Variants in SLC4A11 observed in about 807,000 individuals in gnomAD.
SLC4A11 encodes bicarbonate transporter related protein 1.
In SLC4A11, 74 loss-of-function variants were observed where a neutral mutation model predicts 95.0. The ratio of observed to expected loss-of-function variants is 0.78; its 90% CI spans 0.65 to 0.95. SLC4A11 has a LOEUF of 0.95. SLC4A11 is among the 40% of genes least tolerant of loss of function. The pLI is 0.00. For synonymous variants in SLC4A11, 548 were observed against 519.0 expected (o/e 1.06, Z -0.76); for missense variants, 1,081 against 1,192.4 (o/e 0.91, Z 1.38).
upstream of SLC4A11, chr20:3,239,403 G>A: frequency 9.2e-7 from 1 of 1,092,666 alleles, no homozygotes; most frequent in Non-Finnish European, 1.1e-6. Context: ...GCAGCTGCTG[G>A]GCCAAACCGA....
At chr20:3,237,968 G>T in intron 1 of SLC4A11, 2 of 1,550,410 alleles carry the variant, frequency 1.3e-6, no homozygotes, top group Non-Finnish European at 1.7e-6. Flanking sequence ...GCCCGAGCGG[G>T]CCTCTCCCCC....
At chr20:3,227,916 A>AAACCCCCCCCCCC in intron 19 of SLC4A11, 60 bp from the exon 20 acceptor site, 1 of 1,499,352 alleles carries the variant, frequency 6.7e-7, no homozygotes, top group Non-Finnish European at 9.1e-7. Context: ...GTGGACACCC[A>AAACCCCCCCCCCC]TCCCAGCCCA....
chr20:3,235,332 C>T (rs1379846264), intron 2 of SLC4A11, among the ~76,000 whole-genome samples: 1 of 151,748 alleles, frequency 6.6e-6, no homozygotes, highest in African/African-American at 2.4e-5. Flanking sequence ...CACACACACA[C>T]ACACACACAC....
intron 17 of SLC4A11, 50 bp from the exon 18 acceptor site, chr20:3,228,757 G>A (rs369445227): frequency 1.3e-4 from 211 of 1,612,186 alleles, no homozygotes; most frequent in Non-Finnish European, 1.7e-4. Context: ...TGTCCACAGG[G>A]CCTCACTCCT....
At position 3,228,626 on chromosome 20, in the gene SLC4A11, G is replaced by A; in HGVS notation, c.2274C>T (p.Val758=). The A allele has an allele frequency of 6.2e-7, 1 of 1,613,180 alleles. No homozygotes were observed. Among genetic ancestry groups the A allele is most frequent in the Non-Finnish European group, 8.5e-7 (1 of 1,179,928 alleles). Residue 758 remains valine (V), a synonymous_variant, in exon 18 of 20, where the codon GTC becomes GTT. Transcript: ENST00000642402. ...CGGGCTTGGGGATCCACTGAAGCGGGACCGGCAGCAGCAACAGGGACAGGC... is the reference window on the plus strand; with the variant it reads ...CGGGCTTGGGGATCCACTGAAGCGGAACCGGCAGCAGCAACAGGGACAGGC... ...LVGLSLLLLP[V]PLQWIPKPVL... is the part of the protein sequence containing the mutation.
rs766987760 is a variant in SLC4A11 at position 3,234,346 on chromosome 20, G to GTT, written c.292-33_292-32insAA. Reference sequence around the variant, plus strand: ...GGACCCCAGGGACAGAACCACACGGGCCCATGTATGAGATGCTGTCACTGC... The same window carrying GTT: ...GGACCCCAGGGACAGAACCACACGGGTTCCCATGTATGAGATGCTGTCACTGC... On this transcript the variant is annotated intron_variant, in intron 4 of 19. Coordinates refer to ENST00000642402, the MANE Select transcript of SLC4A11 (RefSeq NM_001174089.2). The surrounding 1 kb of genome is among the most constrained non-coding windows in gnomAD (Gnocchi z 5.8). The GTT allele has an allele frequency of 2.3e-5, 37 of 1,595,242 alleles. No homozygotes were observed. The highest frequency in any genetic ancestry group is 2.7e-5 in the Non-Finnish European group (32 of 1,165,120).
chr20:3,231,686 C>CAAAA lies in SLC4A11; in HGVS notation c.730-139_730-138insTTTT. ...TTTGTGTTTTTTTGAGACAGGGTCT[C>CAAAA]ACTGTCACCCAGGCTGAGTGCAGTG... On this transcript the variant is annotated intron_variant, in intron 7 of 19. Transcript: ENST00000642402. The surrounding 1 kb of genome is among the most constrained non-coding windows in gnomAD (Gnocchi z 5.2). 1.3e-6 allele frequency: 1 copy of CAAAA among 765,358 alleles called. No homozygotes were observed. Among genetic ancestry groups the CAAAA allele is most frequent in the Non-Finnish European group, 2.2e-6 (1 of 458,214 alleles). The allele number at this position is 765,358 out of a possible 1,614,324, so 47.4% of individuals were successfully genotyped here.
rs2067744569 is a variant in SLC4A11, at chr20:3,230,918, C to T, written c.1168+15G>A. On this transcript the variant is annotated intron_variant, in intron 10 of 19. Transcript: ENST00000642402. ...CCAGCATACCCCCACCCACCGCCCA[C>T]CGCCAGCCCCTCACCGATGGCCCCG... is the stretch of plus-strand genomic sequence containing the variant. The T allele has an allele frequency of 1.2e-6, 2 of 1,613,294 alleles. No homozygotes were observed. Among genetic ancestry groups the T allele is most frequent in the African/African-American group, 1.3e-5 (1 of 74,882 alleles).
rs2067877874 is a variant in SLC4A11, at chr20:3,234,060, C to T, written c.523+23G>A. 1 of 1,613,756 alleles carries T rather than the reference C, an allele frequency of 6.2e-7. No individual in the cohort carries two copies. ...CAACAGCCCCTCCCAACGCCCCCGCCCGGGCCGGGAGACCGGCCTCACCTT... is the reference window on the plus strand; with the variant it reads ...CAACAGCCCCTCCCAACGCCCCCGCTCGGGCCGGGAGACCGGCCTCACCTT... On this transcript the variant is annotated intron_variant, in intron 5 of 19. Transcript: ENST00000642402. This position sits in a 1 kb window ranked among gnomAD's most constrained non-coding sequence, Gnocchi z 5.8.
Position 3,230,263 on chromosome 20 carries a change from G to A in SLC4A11, c.1416-3C>T, listed in dbSNP as rs1487177211. On this transcript the variant is annotated splice_region_variant and splice_polypyrimidine_tract_variant and intron_variant, in intron 12 of 19. Coordinates refer to ENST00000642402, the MANE Select transcript of SLC4A11 (RefSeq NM_001174089.2). ...GGGCGATGATCTCCTCCGTCGACCT[G>A]CCAGGAGGCCATGAGCCTCATCAGA... 2 of 1,613,440 alleles carry A rather than the reference G, an allele frequency of 1.2e-6. No individual in the cohort carries two copies. The highest frequency in any genetic ancestry group is 8.5e-7 in the Non-Finnish European group (1 of 1,179,986).
chr20:3,239,171 C>G lies in SLC4A11; in HGVS notation c.-34G>C. The G allele has an allele frequency of 7.0e-7, 1 of 1,435,862 alleles. No individual in the cohort carries two copies. The highest frequency in any genetic ancestry group is 9.1e-7 in the Non-Finnish European group (1 of 1,095,330). 88.9% of individuals were successfully genotyped at this position (1,435,862 alleles called of 1,614,324 possible). On this transcript the variant is annotated 5_prime_UTR_variant, in exon 1 of 20. Transcript: ENST00000642402. The stretch of plus-strand genomic sequence containing the variant: ...CGCGCACTCACGGCCGGGCTCCTCA[C>G]GCGGCGCTCCGGCGCTTCTGGACCC...
Position 3,237,570 on chromosome 20 carries a change from G to T in SLC4A11, c.62C>A (p.Ser21Ter), listed in dbSNP as rs751587806. 3.1e-6 allele frequency: 5 copies of T among 1,614,040 alleles called. No homozygotes were observed. The East Asian group carries it at 6.7e-5, about 22-fold the overall frequency. Residue 21 changes from serine to a stop codon, truncating the protein, a stop_gained, in exon 2 of 20, where the codon TCG becomes TAG. Coordinates refer to ENST00000642402, the MANE Select transcript of SLC4A11 (RefSeq NM_001174089.2). LOFTEE classifies it high-confidence loss of function. Reference protein sequence around the residue: ...LQPCENSPTMSQNGYFEDSSY... With the variant: ...LQPCENSPTM ...TGAATCCTCGAAGTATCCATTCTGC[G>T]ACATGGTGGGAGAGTTTTCTGCAAG... is the stretch of plus-strand genomic sequence containing the variant.
Position 3,230,758 on chromosome 20 carries a change from G to A in SLC4A11, c.1256C>T (p.Thr419Ile). 1 of 1,613,318 alleles carries A rather than the reference G, an allele frequency of 6.2e-7. No individual in the cohort carries two copies. The highest frequency in any genetic ancestry group is 1.3e-5 in the African/African-American group (1 of 75,066). ...SGQPLVILLT[T>I]APLALYIQVI... ...CTGGATGTAGAGCGCCAGGGGCGCGGTGGTCAGCAGAATCACCAATGGCTG... is the reference window on the plus strand; with the variant it reads ...CTGGATGTAGAGCGCCAGGGGCGCGATGGTCAGCAGAATCACCAATGGCTG... Residue 419 changes from threonine (T) to isoleucine (I), a missense_variant, in exon 11 of 20, where the codon ACC becomes ATC. Physicochemically the swap from Thr to Ile is moderately conservative, Grantham distance 89. Transcript: ENST00000642402.
At chr20:3,237,192 G>A (rs1176606647) in intron 2 of SLC4A11, among the ~76,000 whole-genome samples, 1 of 151,190 alleles carries the variant, frequency 6.6e-6, no homozygotes. Context: ...AAGAGACAAC[G>A]ACAGATATTC....
In SLC4A11 at chr20:3,234,422, C is replaced by A; in HGVS notation, c.292-108G>T. 6.6e-7 allele frequency: 1 copy of A among 1,503,924 alleles called. No homozygotes were observed. Among genetic ancestry groups the A allele is most frequent in the Non-Finnish European group, 9.2e-7 (1 of 1,086,670 alleles). The allele number at this position is 1,503,924 out of a possible 1,614,324, so 93.2% of individuals were successfully genotyped here. On this transcript the variant is annotated intron_variant, in intron 4 of 19. Coordinates refer to ENST00000642402, the MANE Select transcript of SLC4A11 (RefSeq NM_001174089.2). The surrounding 1 kb of genome is among the most constrained non-coding windows in gnomAD (Gnocchi z 5.8). ...CAGCAGTCCAGCCCCCAGCCCCCAG[C>A]CCCCAGCCCTGGGCTGGTGCGAGCT...
At chr20:3,228,212 C>A (rs1441447904) in intron 19 of SLC4A11, 47 bp downstream of exon 19, 11 of 1,436,198 alleles carry the variant, frequency 7.7e-6, no homozygotes, top group Non-Finnish European at 9.4e-6. Context: ...CGCCCATTCT[C>A]CACACCTAGA....
chr20:3,233,879 C>T, intron 6 of SLC4A11, 42 bp downstream of exon 6: 2 of 1,605,282 alleles, frequency 1.2e-6, no homozygotes, highest in Non-Finnish European at 1.7e-6. Flanking sequence ...ACACCCAGTT[C>T]CACTGCGACA....
At position 3,234,863 on chromosome 20, in the gene SLC4A11, G is replaced by A. The variant is rs577502313; in HGVS notation, c.120C>T (p.Phe40=). ...CCCCCAGGATCTCCTCTCGGGCTTC[G>A]AAGGTGTCATCTGTGTCACACTTGT... ...SYYKCDTDDT[F]EAREEILGDE... The change falls in exon 3 of 20, where the codon TTC becomes TTT. Residue 40 remains phenylalanine, a synonymous_variant. Transcript: ENST00000642402. This position sits in a 1 kb window ranked among gnomAD's most constrained non-coding sequence, Gnocchi z 5.8. The A allele has an allele frequency of 9.3e-5, 150 of 1,614,000 alleles. No individual in the cohort carries two copies. Among genetic ancestry groups the A allele is most frequent in the Non-Finnish European group, 1.1e-4 (128 of 1,180,020 alleles).
At position 3,230,901 on chromosome 20, in the gene SLC4A11, C is replaced by T. The variant is rs554252679; in HGVS notation, c.1168+32G>A. 1,188 of 1,613,222 alleles carry T rather than the reference C, an allele frequency of 7.4e-4. 21 individuals are homozygous for T. The South Asian group carries it at 0.011, about 15-fold the overall frequency. On this transcript the variant is annotated intron_variant, in intron 10 of 19. Coordinates refer to ENST00000642402, the MANE Select transcript of SLC4A11 (RefSeq NM_001174089.2). ...GCAGCCCAGGGCCCAGCCCAGCATA[C>T]CCCCACCCACCGCCCACCGCCAGCC...
Sources: gnomAD v4.1 joint callset for allele counts (sites outside exome capture counted in the v4.1 genomes callset) on GRCh38, gnomAD v4.1.1 for gene constraint, Gnocchi (gnomAD v3.1) non-coding constraint, MANE v1.5 for transcripts, NCBI Gene and HGNC (gene_info 2026-07-23, HGNC 2026-07-21) for gene names.